The following MACROD2 variants were observed in gnomAD, a reference collection of about 807,000 sequenced individuals.
MACROD2 encodes the protein ADP-ribose glycohydrolase MACROD2.
In MACROD2, 36 loss-of-function variants were observed where a neutral mutation model predicts 70.4. That is an observed-to-expected ratio of 0.51 (90% confidence interval 0.39 to 0.68). MACROD2 has a LOEUF of 0.68. Ranked by LOEUF, MACROD2 falls within the 30% of genes least tolerant of loss-of-function variation. MACROD2 has a pLI of 0.00. For synonymous variants in MACROD2, 172 were observed against 178.8 expected (o/e 0.96, Z 0.30); for missense variants, 496 against 538.4 (o/e 0.92, Z 0.78).
intron 7 of MACROD2, among the ~76,000 whole-genome samples, chr20:15,453,343 C>T (rs2046670044): frequency 6.6e-6 from 1 of 152,074 alleles, no homozygotes; most frequent in Non-Finnish European, 1.5e-5. Context: ...CCCTCCCTCC[C>T]CCTCCAACCT....
intron 4 of MACROD2, among the ~76,000 whole-genome samples, chr20:14,523,138 A>C (rs1322099025): frequency 4.6e-5 from 7 of 152,090 alleles, no homozygotes; most frequent in Admixed American, 4.6e-4. Flanking sequence ...AGACGCTGGC[A>C]TGTTTCTGCT....
chr20:15,589,584 T>A (rs566751023), intron 8 of MACROD2, among the ~76,000 whole-genome samples: 1 of 152,346 alleles, frequency 6.6e-6, no homozygotes, highest in East Asian at 1.9e-4. Flanking sequence ...GTGCTGTACA[T>A]TCTATAGGTT....
chr20:14,394,433 A>G (rs1413421660), intron 3 of MACROD2, among the ~76,000 whole-genome samples: 11 of 152,206 alleles, frequency 7.2e-5, no homozygotes, highest in Non-Finnish European at 1.6e-4. Flanking sequence ...GTAGAAACAC[A>G]TTTTTTAAAT....
intron 3 of MACROD2, among the ~76,000 whole-genome samples, chr20:14,390,358 A>G (rs1439865673): frequency 2.0e-5 from 3 of 152,212 alleles, no homozygotes. Context: ...CTATTAAACT[A>G]CCATTGACAT....
intron 5 of MACROD2, among the ~76,000 whole-genome samples, chr20:14,841,536 AAGAATAT>A (rs2073087208): frequency 6.6e-6 from 1 of 151,750 alleles, no homozygotes; most frequent in East Asian, 1.9e-4. Flanking sequence ...GGAAAAAAAA[AAGAATAT>A]AGAAAGGCAG....
intron 7 of MACROD2, among the ~76,000 whole-genome samples, chr20:15,456,721 A>G (rs1465497081): frequency 2.0e-5 from 3 of 152,150 alleles, no homozygotes; most frequent in Non-Finnish European, 2.9e-5. Context: ...TTCCCTTTGG[A>G]ATCACCTGGA....
At chr20:14,855,826 T>A (rs2073250380) in intron 5 of MACROD2, among the ~76,000 whole-genome samples, 1 of 152,032 alleles carries the variant, frequency 6.6e-6, no homozygotes, top group African/African-American at 2.4e-5. Flanking sequence ...TATAGTCCAC[T>A]GACTAGATTA....
chr20:15,578,315 G>C (rs886228104), intron 8 of MACROD2, among the ~76,000 whole-genome samples: 1 of 152,170 alleles, frequency 6.6e-6, no homozygotes, highest in Non-Finnish European at 1.5e-5. Flanking sequence ...GATAAACAAA[G>C]CGTGAATCCT....
intron 4 of MACROD2, among the ~76,000 whole-genome samples, chr20:14,531,122 A>G (rs2085297873): frequency 6.6e-6 from 1 of 152,218 alleles, no homozygotes; most frequent in Non-Finnish European, 1.5e-5. Context: ...GGAGGGATGG[A>G]AAGAACTTGT....
chr20:15,215,115 T>C (rs1161584626), intron 5 of MACROD2, among the ~76,000 whole-genome samples: 2 of 152,224 alleles, frequency 1.3e-5, no homozygotes, highest in African/African-American at 4.8e-5. Flanking sequence ...AAGTGTATTA[T>C]ATTTATAAAA....
At chr20:14,441,650 T>C (rs761337916) in intron 3 of MACROD2, among the ~76,000 whole-genome samples, 6 of 152,184 alleles carry the variant, frequency 3.9e-5, no homozygotes, top group Admixed American at 1.3e-4. Context: ...CAGTTTGGTC[T>C]GTAGGAGCAT....
At chr20:14,438,202 A>G (rs1414178374) in intron 3 of MACROD2, among the ~76,000 whole-genome samples, 1 of 152,206 alleles carries the variant, frequency 6.6e-6, no homozygotes, top group Non-Finnish European at 1.5e-5. Context: ...TTAATTTAGC[A>G]TAATGTCTTC....
At chr20:15,398,990 G>A (rs2045895713) in intron 6 of MACROD2, among the ~76,000 whole-genome samples, 2 of 152,022 alleles carry the variant, frequency 1.3e-5, no homozygotes, top group Non-Finnish European at 2.9e-5. Flanking sequence ...GCTTCATATT[G>A]TTGCTTCTGA....
chr20:15,390,935 T>C (rs1027164619), intron 6 of MACROD2, among the ~76,000 whole-genome samples: 5 of 152,218 alleles, frequency 3.3e-5, no homozygotes, highest in Admixed American at 6.5e-5. Context: ...TGATATTTCA[T>C]TGATGCATTG....
At chr20:14,069,388 C>A (rs2053809754) in intron 2 of MACROD2, among the ~76,000 whole-genome samples, 1 of 151,946 alleles carries the variant, frequency 6.6e-6, no homozygotes, top group Admixed American at 6.6e-5. Context: ...GACATGTGAG[C>A]AGAGGCAACA....
Position 14,326,218 on chromosome 20 carries a change from G to A in MACROD2, c.272-167261G>A. 6.2e-7 allele frequency: 1 copy of A among 1,613,940 alleles called. No homozygotes were observed. Among genetic ancestry groups the A allele is most frequent in the Non-Finnish European group, 8.5e-7 (1 of 1,179,878 alleles). On this transcript the variant is annotated intron_variant, in intron 3 of 17. Coordinates refer to ENST00000684519, the MANE Select transcript of MACROD2 (RefSeq NM_001351661.2). The surrounding 1 kb of genome is among the most constrained non-coding windows in gnomAD (Gnocchi z 5.5). ...GAGTCTCAAAGCAGTCATAGGTAGA[G>A]CAAGTTTCCAAGAGATATGAATGGT...
chr20:14,165,804 G>A (rs2055259500), intron 3 of MACROD2, among the ~76,000 whole-genome samples: 1 of 152,130 alleles, frequency 6.6e-6, no homozygotes, highest in African/African-American at 2.4e-5. Context: ...AAATCCCTCG[G>A]TTATCAGTGT....
chr20:14,490,429 T>G (rs1420463788), intron 3 of MACROD2, among the ~76,000 whole-genome samples: 1 of 152,176 alleles, frequency 6.6e-6, no homozygotes, highest in Non-Finnish European at 1.5e-5. Flanking sequence ...ATACACAGAT[T>G]CATTATCTTG....
intron 6 of MACROD2, among the ~76,000 whole-genome samples, chr20:15,388,908 T>C (rs2045755417): frequency 6.6e-6 from 1 of 152,130 alleles, no homozygotes; most frequent in Non-Finnish European, 1.5e-5. Context: ...ATCCATTCAT[T>C]AGGAATAGAC....
Sources: allele counts gnomAD v4.1 joint callset (sites outside exome capture counted in the v4.1 genomes callset), GRCh38; gene constraint gnomAD v4.1.1; non-coding constraint Gnocchi (gnomAD v3.1); transcripts MANE v1.5; gene names NCBI Gene and HGNC (gene_info 2026-07-23, HGNC 2026-07-21).